Variants in PCDHGB5 observed in about 807,000 individuals in gnomAD.
PCDHGB5 encodes the protein protocadherin gamma-B5.
In PCDHGB5, 48 loss-of-function variants were observed where a neutral mutation model predicts 62.9. That is an observed-to-expected ratio of 0.76 (90% CI 0.61 to 0.97). The LOEUF is 0.97. PCDHGB5 is among the 50% of genes least tolerant of loss of function. PCDHGB5 has a pLI of 0.00. For synonymous variants in PCDHGB5, 474 were observed against 511.2 expected, an observed-to-expected ratio of 0.93 and a Z score of 0.98; for missense variants, 1,118 against 1,198.6, an observed-to-expected ratio of 0.93 and a Z score of 0.99.
rs759809591 is a variant in PCDHGB5 at position 141,511,048 on chromosome 5, C to T, written c.2647C>T (p.Arg883Cys). The change falls in exon 4 of 4, where the codon CGC becomes TGC. Residue 883 changes from arginine (R) to cysteine (C), a missense_variant. This residue lies in a region of PCDHGB5 where 1,034 missense variants were observed against 1,029.1 expected (regional missense o/e 1.00). Coordinates refer to ENST00000617380, the MANE Select transcript of PCDHGB5 (RefSeq NM_018925.3). ...QFTLQHVPDY[R>C]QNVYIPGSNA... ...CACCCTGCAGCACGTGCCCGACTAC[C>T]GCCAGAATGTCTACATCCCAGGCAG... 9 of 1,614,224 alleles carry T rather than the reference C, an allele frequency of 5.6e-6. No individual in the cohort carries two copies. The highest frequency in any genetic ancestry group is 1.7e-5 in the Admixed American group (1 of 60,034).
Position 141,421,845 on chromosome 5 carries a change from G to C in PCDHGB5, c.2397+21321G>C, listed in dbSNP as rs369443134. On this transcript the variant is annotated intron_variant, in intron 1 of 3. Transcript: ENST00000617380. ...AGGGAAGCCTGGACCGAGAGAAAGA[G>C]GCTGCTCACCTGCTCCTCCTCACAG... The C allele has an allele frequency of 1.1e-5, 18 of 1,613,638 alleles. No homozygotes were observed. The African/African-American group carries it at 2.1e-4, about 19-fold the overall frequency.
rs1437409726 is a variant in PCDHGB5, at chr5:141,471,036, C to T, written c.2398-23771C>T. Among the ~76,000 whole-genome samples the T allele has an allele frequency of 2.8e-5, 4 of 144,908 alleles. No homozygotes were observed. The South Asian group carries it at 6.5e-4, about 24-fold the overall frequency. ...CTGGTCAATCATTTTTATTAACAAG[C>T]CCAAGCCCTCTTTTTTTTTTTTTTT... On this transcript the variant is annotated intron_variant, in intron 1 of 3. Transcript: ENST00000617380.
intron 1 of PCDHGB5, among the ~76,000 whole-genome samples, chr5:141,442,846 C>T (rs1489647686): frequency 2.6e-5 from 4 of 152,234 alleles, no homozygotes; most frequent in Non-Finnish European, 4.4e-5. Context: ...AAATCTTGGC[C>T]ATTGTAGTAT....
rs1357901633 is a variant in PCDHGB5, at chr5:141,476,594, C to G, written c.2398-18213C>G. On this transcript the variant is annotated intron_variant, in intron 1 of 3. Transcript: ENST00000617380. This position sits in a 1 kb window ranked among gnomAD's most constrained non-coding sequence, Gnocchi z 7.6. ...GACGCGCTTTCCGCTCGAGAGCGCG[C>G]ACGATCCCGATGTGGGAAGCAACTC... The G allele has an allele frequency of 3.7e-6, 6 of 1,614,242 alleles. No homozygotes were observed. The highest frequency in any genetic ancestry group is 4.2e-6 in the Non-Finnish European group (5 of 1,180,040).
In PCDHGB5 at chr5:141,490,639, C is replaced by T. The variant is rs1345892739; in HGVS notation, c.2398-4168C>T. 25 of 1,614,200 alleles carry T rather than the reference C, an allele frequency of 1.5e-5. No homozygotes were observed. Among genetic ancestry groups the T allele is most frequent in the East Asian group, 2.2e-5 (1 of 44,878 alleles). ...TTACACTGCTTACATCCTAGAAAAC[C>T]GGCCTCCGGGCTCCCTTCTTTGCAC... On this transcript the variant is annotated intron_variant, in intron 1 of 3. Transcript: ENST00000617380. This position sits in a 1 kb window ranked among gnomAD's most constrained non-coding sequence, Gnocchi z 5.4.
chr5:141,407,505 T>TTTTTTTTTTTTTTTTTTTTTTTTTTTTTG (rs1460306566), intron 1 of PCDHGB5, among the ~76,000 whole-genome samples: 2 of 152,144 alleles, frequency 1.3e-5, no homozygotes, highest in Non-Finnish European at 1.5e-5. Context: ...CTGTTTTTCT[T>TTTTTTTTTTTTTTTTTTTTTTTTTTTTTG]AGGCTATGTA....
rs1349189547 is a variant in PCDHGB5 at position 141,432,777 on chromosome 5, C to T, written c.2397+32253C>T. Reference sequence around the variant, plus strand: ...GCCGACAGCATCCCCCAAGTCCTGGCGGACCTCGGCAGCCTCGAGTCTCCA... The same window carrying T: ...GCCGACAGCATCCCCCAAGTCCTGGTGGACCTCGGCAGCCTCGAGTCTCCA... On this transcript the variant is annotated intron_variant, in intron 1 of 3. Coordinates refer to ENST00000617380, the MANE Select transcript of PCDHGB5 (RefSeq NM_018925.3). This position sits in a 1 kb window ranked among gnomAD's most constrained non-coding sequence, Gnocchi z 6.0. The T allele has an allele frequency of 6.2e-6, 10 of 1,614,154 alleles. No individual in the cohort carries two copies. The highest frequency in any genetic ancestry group is 7.6e-6 in the Non-Finnish European group (9 of 1,179,992).
intron 1 of PCDHGB5, among the ~76,000 whole-genome samples, chr5:141,471,014 G>A (rs2099246573): frequency 6.7e-6 from 1 of 148,628 alleles, no homozygotes; most frequent in Non-Finnish European, 1.5e-5. Context: ...ACTGTGCCTG[G>A]TCAATCATTT....
intron 1 of PCDHGB5, among the ~76,000 whole-genome samples, chr5:141,448,768 G>A (rs544426582): frequency 1.3e-5 from 2 of 151,632 alleles, no homozygotes; most frequent in Non-Finnish European, 2.9e-5. Flanking sequence ...GTGAAACCCC[G>A]TCTGTACTAA....
intron 1 of PCDHGB5, chr5:141,423,709 C>G (rs2096768343): frequency 8.7e-7 from 1 of 1,147,590 alleles, no homozygotes; most frequent in African/African-American, 1.9e-5. Context: ...TGGCACAAGT[C>G]TTTTAAGGAG....
intron 1 of PCDHGB5, among the ~76,000 whole-genome samples, chr5:141,455,082 G>A (rs1323760148): frequency 1.3e-5 from 2 of 151,932 alleles, no homozygotes; most frequent in African/African-American, 2.4e-5. Context: ...AAAGTGCTGG[G>A]ATTACAGGCT....
chr5:141,421,357 T>A lies in PCDHGB5; in HGVS notation c.2397+20833T>A, dbSNP rs761522510. ...GGTGCCAGAAGAGACCGAAAAGGGC[T>A]CCTTCGTGGGCAATATCTCCAAGGA... On this transcript the variant is annotated intron_variant, in intron 1 of 3. Coordinates refer to ENST00000617380, the MANE Select transcript of PCDHGB5 (RefSeq NM_018925.3). 4.3e-6 allele frequency: 7 copies of A among 1,613,976 alleles called. 1 individual carries two copies. The South Asian group carries it at 7.7e-5, about 18-fold the overall frequency.
At chr5:141,419,311 C>G (rs745852942) in intron 1 of PCDHGB5, 1 of 1,613,994 alleles carries the variant, frequency 6.2e-7, no homozygotes, top group Non-Finnish European at 8.5e-7. Flanking sequence ...TCGGGCTCAA[C>G]GGCCGTGTCT....
chr5:141,483,121 T>C (rs922863446), intron 1 of PCDHGB5, among the ~76,000 whole-genome samples: 1 of 152,052 alleles, frequency 6.6e-6, no homozygotes, highest in Admixed American at 6.6e-5. Flanking sequence ...ACAGTCTTTG[T>C]AGGAGATGAG....
chr5:141,450,220 G>A (rs898186696), intron 1 of PCDHGB5, among the ~76,000 whole-genome samples: 12 of 151,956 alleles, frequency 7.9e-5, no homozygotes, highest in African/African-American at 2.9e-4. Flanking sequence ...GTTTCACTAT[G>A]TTGGCCAGGC....
chr5:141,432,133 C>G lies in PCDHGB5; in HGVS notation c.2397+31609C>G. ...CGGTCTTCCCTCAGGCCTCCTATTC[C>G]GCTTATATCCCAGAGAACAATCCCA... On this transcript the variant is annotated intron_variant, in intron 1 of 3. Transcript: ENST00000617380. The surrounding 1 kb of genome is among the most constrained non-coding windows in gnomAD (Gnocchi z 6.0). 1 of 1,614,142 alleles carries G rather than the reference C, an allele frequency of 6.2e-7. No homozygotes were observed. The highest frequency in any genetic ancestry group is 1.1e-5 in the South Asian group (1 of 91,070).
chr5:141,431,068 A>G lies in PCDHGB5; in HGVS notation c.2397+30544A>G. 2 of 1,614,218 alleles carry G rather than the reference A, an allele frequency of 1.2e-6. No individual in the cohort carries two copies. Among genetic ancestry groups the G allele is most frequent in the South Asian group, 1.1e-5 (1 of 91,088 alleles). On this transcript the variant is annotated intron_variant, in intron 1 of 3. Coordinates refer to ENST00000617380, the MANE Select transcript of PCDHGB5 (RefSeq NM_018925.3). The surrounding 1 kb of genome is among the most constrained non-coding windows in gnomAD (Gnocchi z 4.8). ...TCTGTATGGGGGCCATCAAGTGTCA[A>G]TTAAATCTAGACATTCTGATGGAGG...
At chr5:141,414,396 A>G in intron 1 of PCDHGB5, 1 of 1,613,884 alleles carries the variant, frequency 6.2e-7, no homozygotes, top group Non-Finnish European at 8.5e-7. Flanking sequence ...GTTATTACAG[A>G]TTGGTGATAC....
rs1184804812 is a variant in PCDHGB5 at position 141,400,264 on chromosome 5, C to G, written c.2137C>G (p.Arg713Gly). ...TCTGGCCGTTGCCTTGCGCCTGCGA[C>G]GCTCCTCCAGCCCTGCCGCCTGGAG... Reference protein sequence around the residue: ...VILAVALRLRRSSSPAAWSCF... With the variant: ...VILAVALRLRGSSSPAAWSCF... Residue 713 changes from arginine to glycine, a missense_variant, in exon 1 of 4, where the codon CGC becomes GGC. Physicochemically the swap from Arg to Gly is moderately radical, Grantham distance 125. Coordinates refer to ENST00000617380, the MANE Select transcript of PCDHGB5 (RefSeq NM_018925.3). 1.2e-6 allele frequency: 2 copies of G among 1,614,058 alleles called. No homozygotes were observed.
Sources: gnomAD v4.1 joint callset for allele counts (sites outside exome capture counted in the v4.1 genomes callset) on GRCh38, gnomAD v4.1.1 for gene constraint, gnomAD v4.1.1 regional missense constraint, Gnocchi (gnomAD v3.1) non-coding constraint, MANE v1.5 for transcripts, NCBI Gene and HGNC (gene_info 2026-07-23, HGNC 2026-07-21) for gene names.